The following PTPRN2 variants were observed in gnomAD, a reference collection of about 807,000 sequenced individuals.
PTPRN2 encodes the protein protein tyrosine phosphatase receptor type N2.
PTPRN2 carries 74 observed loss-of-function variants against 118.8 expected under a neutral mutation model. The ratio of observed to expected loss-of-function variants is 0.62; its 90% confidence interval spans 0.52 to 0.76. The LOEUF (loss-of-function observed/expected upper bound fraction) is 0.76. PTPRN2 is among the 30% of genes least tolerant of loss of function. The pLI, the probability that PTPRN2 is intolerant of heterozygous loss-of-function variation, is 0.00. For synonymous variants in PTPRN2, 641 were observed against 608.0 expected (o/e 1.05, Z -0.80); for missense variants, 1,481 against 1,394.4 (o/e 1.06, Z -0.99).
At position 157,676,613 on chromosome 7, in the gene PTPRN2, G is replaced by A. The variant is rs1044252682; in HGVS notation, c.2001+6112C>T. 6.6e-6 allele frequency among the ~76,000 whole-genome samples: 1 copy of A among 152,258 alleles called. No homozygotes were observed. The highest frequency in any genetic ancestry group is 1.5e-5 in the Non-Finnish European group (1 of 68,048). ...CCCTCAACACCCTGCAGTGGGGACA[G>A]CGCAGCTGGGGACCGCCCAGTGCAG... On this transcript the variant is annotated intron_variant, in intron 13 of 22. Coordinates refer to ENST00000389418, the MANE Select transcript of PTPRN2 (RefSeq NM_002847.5). The surrounding 1 kb of genome is among the most constrained non-coding windows in gnomAD (Gnocchi z 5.6).
At chr7:157,601,937 C>A (rs1457931985) in intron 16 of PTPRN2, among the ~76,000 whole-genome samples, 2 of 152,234 alleles carry the variant, frequency 1.3e-5, no homozygotes, top group East Asian at 3.8e-4. Context: ...GAACGGAATC[C>A]AGGCGCGCAC....
At chr7:157,761,618 TA>T (rs1554438237) in intron 12 of PTPRN2, among the ~76,000 whole-genome samples, 3 of 147,972 alleles carry the variant, frequency 2.0e-5, no homozygotes, top group African/African-American at 7.6e-5. Context: ...ATTAAAGACT[TA>T]AACATTAGAC....
chr7:158,001,166 C>G (rs1805222712), intron 11 of PTPRN2, among the ~76,000 whole-genome samples: 1 of 123,322 alleles, frequency 8.1e-6, no homozygotes, highest in Non-Finnish European at 1.6e-5. Flanking sequence ...GGGGTTTGGC[C>G]GCAGGTCTGG....
At chr7:158,478,711 C>G (rs898132741) in intron 2 of PTPRN2, among the ~76,000 whole-genome samples, 4 of 151,970 alleles carry the variant, frequency 2.6e-5, no homozygotes, top group Non-Finnish European at 5.9e-5. Flanking sequence ...GGGGGGCAGA[C>G]GAGAAACACA....
chr7:157,750,810 G>T (rs1801418866), intron 12 of PTPRN2, among the ~76,000 whole-genome samples: 1 of 152,244 alleles, frequency 6.6e-6, no homozygotes, highest in Non-Finnish European at 1.5e-5. Context: ...AAGGAAGGGT[G>T]TAAAGCCCGC....
chr7:158,439,166 T>C (rs1306038599), intron 2 of PTPRN2, among the ~76,000 whole-genome samples: 1 of 152,200 alleles, frequency 6.6e-6, no homozygotes, highest in East Asian at 1.9e-4. Flanking sequence ...CTTACACATA[T>C]TGATTGACGT....
At position 158,171,605 on chromosome 7, in the gene PTPRN2, C is replaced by T. The variant is rs375885304; in HGVS notation, c.550-4314G>A. ...ACCTCAAGTGATCTGCCCGCCTTGG[C>T]CTCCCAAAGTGCTGGGATTACAAGC... On this transcript the variant is annotated intron_variant, in intron 5 of 22. Transcript: ENST00000389418. Among the ~76,000 whole-genome samples the T allele has an allele frequency of 2.6e-5, 4 of 152,120 alleles. No individual in the cohort carries two copies. The South Asian group carries it at 8.3e-4, about 32-fold the overall frequency.
intron 11 of PTPRN2, among the ~76,000 whole-genome samples, chr7:157,917,133 C>A (rs963779520): frequency 2.0e-5 from 3 of 151,930 alleles, no homozygotes; most frequent in Non-Finnish European, 4.4e-5. Flanking sequence ...GGCTGAAGGT[C>A]CCCACCACGG....
chr7:157,826,987 T>G (rs540679572), intron 12 of PTPRN2, among the ~76,000 whole-genome samples: 3 of 152,278 alleles, frequency 2.0e-5, no homozygotes, highest in Admixed American at 2.0e-4. Context: ...CAAGTTGTCC[T>G]GCATCTCCGA....
At chr7:157,982,207 A>C (rs1220369069) in intron 11 of PTPRN2, among the ~76,000 whole-genome samples, 1 of 137,536 alleles carries the variant, frequency 7.3e-6, no homozygotes, top group Non-Finnish European at 1.6e-5. Context: ...CTAAACCCCG[A>C]GTCACAGAGA....
At chr7:158,457,014 G>C (rs1818557723) in intron 2 of PTPRN2, among the ~76,000 whole-genome samples, 3 of 152,114 alleles carry the variant, frequency 2.0e-5, no homozygotes. Flanking sequence ...TAATGTTCTA[G>C]TATCCGGTCA....
chr7:158,311,504 G>A (rs895175627), intron 3 of PTPRN2, among the ~76,000 whole-genome samples: 1 of 152,218 alleles, frequency 6.6e-6, no homozygotes, highest in African/African-American at 2.4e-5. Context: ...GTCTGCCCAT[G>A]AAATAATGCT....
chr7:158,421,430 T>C (rs1206802679), intron 2 of PTPRN2, among the ~76,000 whole-genome samples: 1 of 152,230 alleles, frequency 6.6e-6, no homozygotes, highest in East Asian at 1.9e-4. Flanking sequence ...GCAAAGTGCA[T>C]CGACAAAGCG....
chr7:158,123,250 G>A (rs1455146378), intron 9 of PTPRN2, among the ~76,000 whole-genome samples: 4 of 152,188 alleles, frequency 2.6e-5, no homozygotes, highest in African/African-American at 7.2e-5. Flanking sequence ...TAGTTAAAAT[G>A]TTTCCAGCCC....
chr7:158,369,641 A>AT (rs1220153602), intron 2 of PTPRN2, among the ~76,000 whole-genome samples: 1 of 152,234 alleles, frequency 6.6e-6, no homozygotes, highest in Non-Finnish European at 1.5e-5. Context: ...CGTTATAAGG[A>AT]TAAAAACGTG....
intron 12 of PTPRN2, among the ~76,000 whole-genome samples, chr7:157,870,866 C>G (rs1013748355): frequency 6.6e-6 from 1 of 152,224 alleles, no homozygotes; most frequent in Non-Finnish European, 1.5e-5. Flanking sequence ...GGGCTGCACA[C>G]CACAGTCATC....
chr7:158,171,826 G>T (rs1409996415), intron 5 of PTPRN2, among the ~76,000 whole-genome samples: 1 of 152,144 alleles, frequency 6.6e-6, no homozygotes. Context: ...ATGAAGGGAG[G>T]TTTCCTAAGA....
At chr7:158,311,132 C>A (rs542338790) in intron 3 of PTPRN2, among the ~76,000 whole-genome samples, 1 of 151,938 alleles carries the variant, frequency 6.6e-6, no homozygotes, top group Admixed American at 6.5e-5. Context: ...AGGCAGAACC[C>A]GGCTCCCCTG....
intron 2 of PTPRN2, among the ~76,000 whole-genome samples, chr7:158,406,072 C>T (rs1406306547): frequency 1.3e-4 from 15 of 111,962 alleles, no homozygotes; most frequent in Non-Finnish European, 2.3e-4. Flanking sequence ...ACTGAGATCC[C>T]GCAGTGGCTC....
Sources: gnomAD v4.1 joint callset for allele counts (sites outside exome capture counted in the v4.1 genomes callset) on GRCh38, gnomAD v4.1.1 for gene constraint, Gnocchi (gnomAD v3.1) non-coding constraint, MANE v1.5 for transcripts, NCBI Gene and HGNC (gene_info 2026-07-23, HGNC 2026-07-21) for gene names.